The following FLRT2 variants were observed in gnomAD, a reference collection of about 807,000 sequenced individuals.
The protein encoded by FLRT2 is fibronectin leucine rich transmembrane protein 2.
Under a neutral mutation model 40.0 loss-of-function variants are expected in FLRT2, and 15 were observed. The observed-to-expected ratio is 0.38, with a 90% CI of 0.25 to 0.58. The LOEUF is 0.58. Among genes scored for constraint, FLRT2 ranks in the 20% least tolerant of loss-of-function variants. The pLI is 0.71. For synonymous variants in FLRT2, 380 were observed against 336.8 expected (o/e 1.13, Z -1.41); for missense variants, 726 against 840.0 (o/e 0.86, Z 1.68).
intron 1 of FLRT2, among the ~76,000 whole-genome samples, chr14:85,555,153 C>T (rs1036821972): frequency 2.0e-5 from 3 of 152,130 alleles, no homozygotes; most frequent in Non-Finnish European, 2.9e-5. Flanking sequence ...TTAAATATCA[C>T]AGTAGATTCA....
intron 1 of FLRT2, among the ~76,000 whole-genome samples, chr14:85,596,085 C>T (rs1428526133): frequency 1.3e-5 from 2 of 152,076 alleles, no homozygotes; most frequent in African/African-American, 4.8e-5. Context: ...ACTTTTTGAC[C>T]GTCCAGGAAG....
chr14:85,600,507 ACT>A (rs752377775), intron 1 of FLRT2, among the ~76,000 whole-genome samples: 8 of 152,090 alleles, frequency 5.3e-5, no homozygotes, highest in Non-Finnish European at 1.2e-4. Flanking sequence ...AAAAAGGAAG[ACT>A]CTGACAGGAC....
Position 85,643,480 on chromosome 14 carries a change from C to T in FLRT2, c.*19983C>T, listed in dbSNP as rs796613169. ...TGATCTCAGCTCACTGCAACCTCCGCCTCCTGGGTTCAAGCGATTCTCCTG... is the reference window on the plus strand; with the variant it reads ...TGATCTCAGCTCACTGCAACCTCCGTCTCCTGGGTTCAAGCGATTCTCCTG... On this transcript the variant is annotated 3_prime_UTR_variant, in exon 2 of 2. Transcript: ENST00000330753. 4 of 152,264 alleles carry T rather than the reference C, an allele frequency of 2.6e-5. No homozygotes were observed. Among genetic ancestry groups the T allele is most frequent in the African/African-American group, 9.7e-5 (4 of 41,378 alleles). The allele number at this position is 152,264 out of a possible 1,614,324, so 9.4% of individuals were successfully genotyped here.
intron 1 of FLRT2, among the ~76,000 whole-genome samples, chr14:85,610,238 T>G (rs781734611): frequency 6.6e-6 from 1 of 151,782 alleles, no homozygotes; most frequent in African/African-American, 2.4e-5. Context: ...AAAAAAAAAG[T>G]GTGGGGATGT....
In FLRT2 at chr14:85,621,906, A is replaced by G; in HGVS notation, c.392A>G (p.Gln131Arg). The change falls in exon 2 of 2, where the codon CAG becomes CGG. Residue 131 changes from glutamine to arginine, a missense_variant. Physicochemically the swap from Gln to Arg is conservative, Grantham distance 43. Transcript: ENST00000330753. ...ACCATTTCACGGGCTGCTCTTGCCC[A>G]GCTCTTGAAGCTTGAAGAGCTGCAC... ...IQTISRAALAQLLKLEELHLD... is the reference protein window; with the variant it reads ...IQTISRAALARLLKLEELHLD... The G allele has an allele frequency of 6.2e-7, 1 of 1,603,336 alleles. No homozygotes were observed. Among genetic ancestry groups the G allele is most frequent in the Non-Finnish European group, 8.5e-7 (1 of 1,174,018 alleles).
chr14:85,622,644 C>T lies in FLRT2; in HGVS notation c.1130C>T (p.Ala377Val), dbSNP rs1220052470. ...LPLFTPAPSTASPTTQPPTLS... is the reference protein window; with the variant it reads ...LPLFTPAPSTVSPTTQPPTLS... Reference sequence around the variant, plus strand: ...CTCTTCACCCCAGCCCCAAGTACAGCTTCTCCGACCACTCAGCCTCCCACC... The same window carrying T: ...CTCTTCACCCCAGCCCCAAGTACAGTTTCTCCGACCACTCAGCCTCCCACC... Residue 377 changes from alanine (A) to valine (V), a missense_variant, in exon 2 of 2, where the codon GCT becomes GTT. Transcript: ENST00000330753. 2 of 1,613,980 alleles carry T rather than the reference C, an allele frequency of 1.2e-6. No homozygotes were observed. The highest frequency in any genetic ancestry group is 1.7e-5 in the Admixed American group (1 of 60,016).
Position 85,636,009 on chromosome 14 carries a change from A to G in FLRT2, c.*12512A>G, listed in dbSNP as rs1893989990. 6.6e-6 allele frequency: 1 copy of G among 152,076 alleles called. No homozygotes were observed. 9.4% of individuals were successfully genotyped at this position (152,076 alleles called of 1,614,324 possible). A position where few individuals can be genotyped will look rare whatever the true frequency, so the allele number is the denominator to read the frequency against. On this transcript the variant is annotated 3_prime_UTR_variant, in exon 2 of 2. Transcript: ENST00000330753. ...GTCTAATGATTGATATTTTAAATTA[A>G]TGGCTTGTAATTGTGTAATTGGAAA... is the stretch of plus-strand genomic sequence containing the variant.
rs1217319337 is a variant in FLRT2 at position 85,642,929 on chromosome 14, CATTT to C, written c.*19436_*19439del. The C allele has an allele frequency of 6.6e-6, 1 of 152,192 alleles. No individual in the cohort carries two copies. The highest frequency in any genetic ancestry group is 1.5e-5 in the Non-Finnish European group (1 of 68,050). The allele number at this position is 152,192 out of a possible 1,614,324, so 9.4% of individuals were successfully genotyped here. A position where few individuals can be genotyped will look rare whatever the true frequency, so the allele number is the denominator to read the frequency against. On this transcript the variant is annotated 3_prime_UTR_variant, in exon 2 of 2. Transcript: ENST00000330753. ...TAGACTGAGTGGCTTAAACAATAAA[CATTT>C]ATTACTTCCAATTCTTGAGGCTGTG...
Position 85,631,553 on chromosome 14 carries a change from T to A in FLRT2, c.*8056T>A, listed in dbSNP as rs1893873462. On this transcript the variant is annotated 3_prime_UTR_variant, in exon 2 of 2. Transcript: ENST00000330753. ...TGCTTATGGCCAGATGGCTCTTTTT[T>A]TAATAGCCCCAGAAAGAGCTGTGGA... 1 of 152,120 alleles carries A rather than the reference T, an allele frequency of 6.6e-6. No homozygotes were observed. The highest frequency in any genetic ancestry group is 1.5e-5 in the Non-Finnish European group (1 of 68,032). 9.4% of individuals were successfully genotyped at this position (152,120 alleles called of 1,614,324 possible).
chr14:85,573,937 T>C (rs1477308461), intron 1 of FLRT2, among the ~76,000 whole-genome samples: 1 of 152,240 alleles, frequency 6.6e-6, no homozygotes, highest in African/African-American at 2.4e-5. Flanking sequence ...TCATTTCTTT[T>C]GATTAGTCTG....
chr14:85,578,416 GA>G (rs1326942921), intron 1 of FLRT2, among the ~76,000 whole-genome samples: 2 of 151,798 alleles, frequency 1.3e-5, no homozygotes, highest in East Asian at 3.9e-4. Context: ...ATTATCAGAA[GA>G]GAACAACTTT....
At chr14:85,549,707 T>TG (rs1221545506) in intron 1 of FLRT2, among the ~76,000 whole-genome samples, 1 of 136,310 alleles carries the variant, frequency 7.3e-6, no homozygotes, top group East Asian at 2.1e-4. Context: ...GTTGAATAGA[T>TG]TGTGTGTTAT....
At chr14:85,568,760 C>T (rs1278773206) in intron 1 of FLRT2, among the ~76,000 whole-genome samples, 1 of 152,124 alleles carries the variant, frequency 6.6e-6, no homozygotes, top group Non-Finnish European at 1.5e-5. Context: ...GGATCTTTAC[C>T]TTTCTTCTCT....
intron 1 of FLRT2, among the ~76,000 whole-genome samples, chr14:85,533,707 G>T (rs1188491387): frequency 6.6e-6 from 1 of 151,978 alleles, no homozygotes; most frequent in South Asian, 2.1e-4. Flanking sequence ...GGCGGAGGAC[G>T]GGGGAAGACG....
intron 1 of FLRT2, among the ~76,000 whole-genome samples, chr14:85,564,014 G>A (rs775252215): frequency 9.2e-5 from 14 of 152,244 alleles, no homozygotes; most frequent in East Asian, 1.9e-4. Context: ...ACACTTACGT[G>A]GACAGCCAGA....
intron 1 of FLRT2, chr14:85,562,646 C>G (rs987218903): frequency 2.4e-5 from 2 of 81,902 alleles, no homozygotes; most frequent in Non-Finnish European, 4.9e-5. Context: ...AATCTAGACT[C>G]AAGATATATT....
chr14:85,533,752 A>G (rs1566712408), intron 1 of FLRT2, among the ~76,000 whole-genome samples: 2 of 151,748 alleles, frequency 1.3e-5, no homozygotes, highest in Admixed American at 1.3e-4. Flanking sequence ...AGGCGAGAGC[A>G]AGCGAGGCGA....
intron 1 of FLRT2, among the ~76,000 whole-genome samples, chr14:85,552,503 C>A (rs1035739245): frequency 6.6e-6 from 1 of 152,122 alleles, no homozygotes; most frequent in South Asian, 2.1e-4. Context: ...GTGAGTATCA[C>A]TGATGTTTTT....
rs553660509 is a variant in FLRT2 at position 85,640,715 on chromosome 14, T to A, written c.*17218T>A. The A allele has an allele frequency of 6.6e-6, 1 of 152,322 alleles. No individual in the cohort carries two copies. The highest frequency in any genetic ancestry group is 6.5e-5 in the Admixed American group (1 of 15,300). 9.4% of individuals were successfully genotyped at this position (152,322 alleles called of 1,614,324 possible). A position where few individuals can be genotyped will look rare whatever the true frequency, so the allele number is the denominator to read the frequency against. On this transcript the variant is annotated 3_prime_UTR_variant, in exon 2 of 2. Transcript: ENST00000330753. ...CAGTCTTTGCTATTAGAGTCGAGCA[T>A]CTCTGCAAAGAGATTTGAGCCCCTT...
Sources: allele counts gnomAD v4.1 joint callset (sites outside exome capture counted in the v4.1 genomes callset), GRCh38; gene constraint gnomAD v4.1.1; transcripts MANE v1.5; gene names NCBI Gene and HGNC (gene_info 2026-07-23, HGNC 2026-07-21).